MAPKAP1: variants seen among roughly 807,000 people sequenced by gnomAD.
MAPKAP1 encodes MAPK associated protein 1.
A neutral mutation model predicts 65.7 loss-of-function variants in MAPKAP1; 20 were observed. That is an observed-to-expected ratio of 0.30 (90% CI 0.21 to 0.44). MAPKAP1 has a LOEUF of 0.44. Ranked by LOEUF, MAPKAP1 falls within the 20% of genes least tolerant of loss-of-function variation. The pLI, the probability that MAPKAP1 is intolerant of heterozygous loss-of-function variation, is 1.00. For synonymous variants in MAPKAP1, 222 were observed against 244.3 expected (o/e 0.91, Z 0.85); for missense variants, 423 against 648.0 (o/e 0.65, Z 3.77).
intron 5 of MAPKAP1, among the ~76,000 whole-genome samples, chr9:125,563,766 G>A (rs368088233): frequency 6.6e-6 from 1 of 151,966 alleles, no homozygotes; most frequent in Non-Finnish European, 1.5e-5. Context: ...ACCCAGGCTA[G>A]AGTGCAATGG....
At chr9:125,481,222 A>T (rs926895936) in intron 9 of MAPKAP1, among the ~76,000 whole-genome samples, 1 of 152,142 alleles carries the variant, frequency 6.6e-6, no homozygotes, top group African/African-American at 2.4e-5. Flanking sequence ...CTTTGAAATA[A>T]TTTACATGTC....
At chr9:125,617,350 A>G (rs1226224711) in intron 4 of MAPKAP1, among the ~76,000 whole-genome samples, 2 of 152,162 alleles carry the variant, frequency 1.3e-5, no homozygotes, top group African/African-American at 2.4e-5. Context: ...CGTCCTAGCT[A>G]CTACTGAGAC....
At chr9:125,634,429 G>A (rs568846279) in intron 4 of MAPKAP1, among the ~76,000 whole-genome samples, 1 of 152,208 alleles carries the variant, frequency 6.6e-6, no homozygotes, top group South Asian at 2.1e-4. Context: ...TCAATAATGA[G>A]TCACTCAGGG....
At chr9:125,511,293 G>T (rs1237850842) in intron 7 of MAPKAP1, among the ~76,000 whole-genome samples, 4 of 152,028 alleles carry the variant, frequency 2.6e-5, no homozygotes, top group African/African-American at 9.7e-5. Flanking sequence ...TGCTGTGCTA[G>T]GTCTTTTATG....
intron 1 of MAPKAP1, among the ~76,000 whole-genome samples, chr9:125,706,437 T>C (rs1019858221): frequency 6.6e-6 from 1 of 152,072 alleles, no homozygotes; most frequent in Non-Finnish European, 1.5e-5. Context: ...GGTCTCTGGT[T>C]AAAGTCATAA....
intron 9 of MAPKAP1, among the ~76,000 whole-genome samples, chr9:125,472,568 A>G (rs73667003): frequency 0.027 from 4,176 of 152,316 alleles, 195 homozygotes; most frequent in African/African-American, 0.096. Flanking sequence ...CACTCCTTAC[A>G]GTGTCACGTA....
At position 125,467,860 on chromosome 9, in the gene MAPKAP1, C is replaced by G. The variant is rs1589217068; in HGVS notation, c.1345+112G>C. On this transcript the variant is annotated intron_variant, in intron 10 of 11. Coordinates refer to ENST00000265960, the MANE Select transcript of MAPKAP1 (RefSeq NM_001006617.3). ...AGAAATTTCTGGTAATGAATTAAAA[C>G]AGACCCAAGGAAAAAAGGACACAGT... 5 of 1,208,622 alleles carry G rather than the reference C, an allele frequency of 4.1e-6. No homozygotes were observed. In the East Asian group the frequency reaches 1.2e-4, roughly 28 times the overall value. 74.9% of individuals were successfully genotyped at this position (1,208,622 alleles called of 1,614,324 possible).
chr9:125,550,935 T>C (rs1318877394), intron 6 of MAPKAP1, among the ~76,000 whole-genome samples: 1 of 152,222 alleles, frequency 6.6e-6, no homozygotes, highest in Non-Finnish European at 1.5e-5. Context: ...CTTCTTTTAT[T>C]CCTTATTCTA....
At chr9:125,528,455 T>C (rs1011529451) in intron 7 of MAPKAP1, among the ~76,000 whole-genome samples, 1 of 151,494 alleles carries the variant, frequency 6.6e-6, no homozygotes, top group African/African-American at 2.4e-5. Flanking sequence ...TGGAAACGAG[T>C]GGAAAGAATG....
At chr9:125,703,841 T>C (rs1476689912) in intron 1 of MAPKAP1, among the ~76,000 whole-genome samples, 1 of 151,288 alleles carries the variant, frequency 6.6e-6, no homozygotes, top group Non-Finnish European at 1.5e-5. Context: ...TACAACTGCG[T>C]CCGTAACAGT....
At chr9:125,533,327 G>T (rs977607852) in intron 7 of MAPKAP1, among the ~76,000 whole-genome samples, 1 of 152,128 alleles carries the variant, frequency 6.6e-6, no homozygotes, top group African/African-American at 2.4e-5. Context: ...AAATTAAAAT[G>T]AGATACTGGC....
At chr9:125,639,108 G>T (rs1833505940) in intron 4 of MAPKAP1, among the ~76,000 whole-genome samples, 1 of 152,170 alleles carries the variant, frequency 6.6e-6, no homozygotes, top group Non-Finnish European at 1.5e-5. Flanking sequence ...GGGTGTGGTG[G>T]TGCATGCCTG....
At chr9:125,441,952 C>T (rs1415011545) in intron 11 of MAPKAP1, among the ~76,000 whole-genome samples, 5 of 151,824 alleles carry the variant, frequency 3.3e-5, no homozygotes, top group Non-Finnish European at 7.4e-5. Context: ...ATGGTGAAAC[C>T]CCGTTCTCTA....
chr9:125,642,724 T>C (rs1303623957), intron 4 of MAPKAP1, among the ~76,000 whole-genome samples: 1 of 152,194 alleles, frequency 6.6e-6, no homozygotes, highest in South Asian at 2.1e-4. Context: ...TTTTCTTTAA[T>C]GTGTGCTTTT....
chr9:125,511,943 C>T (rs557101330), intron 7 of MAPKAP1, among the ~76,000 whole-genome samples: 6 of 152,296 alleles, frequency 3.9e-5, no homozygotes, highest in Non-Finnish European at 5.9e-5. Flanking sequence ...ACCATGTCAC[C>T]GAATGGCCTA....
chr9:125,700,492 T>G (rs1458901080), intron 1 of MAPKAP1, among the ~76,000 whole-genome samples: 2 of 152,250 alleles, frequency 1.3e-5, no homozygotes, highest in Non-Finnish European at 2.9e-5. Context: ...GCAATTACTA[T>G]AACTTAATTC....
intron 4 of MAPKAP1, among the ~76,000 whole-genome samples, chr9:125,625,923 A>C (rs116948938): frequency 0.026 from 3,939 of 152,354 alleles, 81 homozygotes; most frequent in South Asian, 0.058. Context: ...AATAGGCTAC[A>C]TTTGGATTGT....
At chr9:125,608,173 C>T (rs551402339) in intron 4 of MAPKAP1, among the ~76,000 whole-genome samples, 2 of 152,298 alleles carry the variant, frequency 1.3e-5, no homozygotes, top group East Asian at 1.9e-4. Flanking sequence ...AGACATGCTT[C>T]GAAGTTTCCA....
At chr9:125,510,418 C>T (rs552895674) in intron 7 of MAPKAP1, among the ~76,000 whole-genome samples, 1 of 152,214 alleles carries the variant, frequency 6.6e-6, no homozygotes, top group Admixed American at 6.5e-5. Context: ...CCACACATAC[C>T]AAGTATTTCA....
Sources: gnomAD v4.1 joint callset for allele counts (sites outside exome capture counted in the v4.1 genomes callset) on GRCh38, gnomAD v4.1.1 for gene constraint, MANE v1.5 for transcripts, NCBI Gene and HGNC (gene_info 2026-07-23, HGNC 2026-07-21) for gene names.